ADAMTS17: variants seen among roughly 807,000 people sequenced by gnomAD.
The protein encoded by ADAMTS17 is A disintegrin and metalloproteinase with thrombospondin motifs 17.
In ADAMTS17, 113 loss-of-function variants were observed where a neutral mutation model predicts 141.5. The observed-to-expected ratio is 0.80, with a 90% confidence interval of 0.69 to 0.93. ADAMTS17 has a LOEUF of 0.93. Ranked by LOEUF, ADAMTS17 falls within the 40% of genes least tolerant of loss-of-function variation. The probability of loss-of-function intolerance (pLI) is 0.00; values close to 1 mark genes in which losing one functional copy is unlikely to be tolerated. For missense variants in ADAMTS17, 1,659 were observed against 1,517.9 expected (o/e 1.09, Z -1.54); for synonymous variants, 768 against 630.6 (o/e 1.22, Z -3.27).
At chr15:100,235,655 T>C (rs1016436492) in intron 7 of ADAMTS17, among the ~76,000 whole-genome samples, 2 of 152,196 alleles carry the variant, frequency 1.3e-5, no homozygotes, top group African/African-American at 4.8e-5. Flanking sequence ...TGGTCTGGGA[T>C]CACCCTTTGA....
chr15:100,159,574 C>T lies in ADAMTS17; in HGVS notation c.1182-4254G>A, dbSNP rs749388349. On this transcript the variant is annotated intron_variant, in intron 8 of 21. Coordinates refer to ENST00000268070, the MANE Select transcript of ADAMTS17 (RefSeq NM_139057.4). ...AGTTTTGATGGATTTCAATGAACTC[C>T]GCCAAATGTACAGAGGTTATAGAAA... 2.8e-4 allele frequency among the ~76,000 whole-genome samples: 42 copies of T among 152,254 alleles called. 1 individual carries two copies. The highest frequency in any genetic ancestry group is 1.2e-3 in the Admixed American group (19 of 15,296).
intron 8 of ADAMTS17, among the ~76,000 whole-genome samples, chr15:100,190,298 C>T (rs1005238724): frequency 1.3e-5 from 2 of 152,194 alleles, no homozygotes; most frequent in African/African-American, 2.4e-5. Context: ...CTCTCCCAGA[C>T]CCCCCAGCCC....
intron 18 of ADAMTS17, among the ~76,000 whole-genome samples, chr15:100,017,442 G>C (rs780775409): frequency 6.6e-6 from 1 of 152,056 alleles, no homozygotes; most frequent in Non-Finnish European, 1.5e-5. Flanking sequence ...TCTCCCTGTG[G>C]TGTTCAGCCT....
chr15:99,992,428 G>A (rs974999119), intron 20 of ADAMTS17, among the ~76,000 whole-genome samples: 31 of 152,140 alleles, frequency 2.0e-4, no homozygotes, highest in Non-Finnish European at 2.9e-5. Flanking sequence ...GGTGGCAGTG[G>A]GGCTCACCTT....
At chr15:100,118,989 G>T (rs2037309273) in intron 12 of ADAMTS17, among the ~76,000 whole-genome samples, 1 of 149,334 alleles carries the variant, frequency 6.7e-6, no homozygotes, top group Non-Finnish European at 1.5e-5. Flanking sequence ...ACTAGAGTAG[G>T]TTGAGCCCCT....
At chr15:100,076,970 C>G (rs1323980398) in intron 15 of ADAMTS17, among the ~76,000 whole-genome samples, 1 of 152,024 alleles carries the variant, frequency 6.6e-6, no homozygotes, top group African/African-American at 2.4e-5. Flanking sequence ...TACTCACCTA[C>G]TAATGGACAT....
intron 8 of ADAMTS17, among the ~76,000 whole-genome samples, 176 bp from the exon 9 acceptor site, chr15:100,155,496 G>A (rs1463998998): frequency 6.6e-6 from 1 of 152,214 alleles, no homozygotes; most frequent in Non-Finnish European, 1.5e-5. Flanking sequence ...AATAGAGGGT[G>A]AGGATTTGCT....
intron 1 of ADAMTS17, 65 bp downstream of exon 1, chr15:100,341,756 C>G (rs1160053258): frequency 1.3e-6 from 2 of 1,509,958 alleles, no homozygotes; most frequent in East Asian, 2.7e-5. Context: ...CAGGACGCCG[C>G]GAGAACGCAG....
intron 15 of ADAMTS17, among the ~76,000 whole-genome samples, chr15:100,064,575 C>T (rs367971192): frequency 5.9e-5 from 9 of 152,146 alleles, no homozygotes; most frequent in African/African-American, 1.4e-4. Context: ...TACCCTATGA[C>T]GAAACTACAG....
chr15:100,311,394 G>T (rs2045400685), intron 3 of ADAMTS17, among the ~76,000 whole-genome samples: 1 of 152,218 alleles, frequency 6.6e-6, no homozygotes, highest in Non-Finnish European at 1.5e-5. Flanking sequence ...TCCAGCCTCA[G>T]GGCTGGACCA....
At chr15:100,104,221 C>T (rs769246242) in intron 14 of ADAMTS17, among the ~76,000 whole-genome samples, 7 of 152,132 alleles carry the variant, frequency 4.6e-5, no homozygotes, top group Non-Finnish European at 7.3e-5. Context: ...GGCTTATTAA[C>T]CCGGTGTCTC....
At chr15:100,105,410 G>T (rs929268648) in intron 14 of ADAMTS17, among the ~76,000 whole-genome samples, 2 of 152,208 alleles carry the variant, frequency 1.3e-5, no homozygotes, top group African/African-American at 4.8e-5. Context: ...GACAATGGTG[G>T]AGGCACTGGA....
chr15:100,202,497 G>A (rs1353654892), intron 7 of ADAMTS17, among the ~76,000 whole-genome samples: 1 of 152,204 alleles, frequency 6.6e-6, no homozygotes, highest in Admixed American at 6.5e-5. Context: ...GTGTTTATGA[G>A]AGATGAGGTG....
At chr15:100,048,004 C>CA in intron 18 of ADAMTS17, among the ~76,000 whole-genome samples, 1 of 152,170 alleles carries the variant, frequency 6.6e-6, no homozygotes, top group Admixed American at 6.5e-5. Flanking sequence ...CTTTCTCACT[C>CA]AAACACATTT....
chr15:100,126,131 C>T (rs1308917320), intron 12 of ADAMTS17: 1 of 152,234 alleles, frequency 6.6e-6, no homozygotes, highest in Non-Finnish European at 1.5e-5. Context: ...ATCAGGGCAT[C>T]CTGCAGAAGC....
chr15:100,262,792 A>AC (rs1283044932), intron 4 of ADAMTS17, among the ~76,000 whole-genome samples: 1 of 151,648 alleles, frequency 6.6e-6, no homozygotes, highest in African/African-American at 2.4e-5. Context: ...TAAAAAAAAA[A>AC]AAAAACAAAA....
At chr15:100,140,240 C>T in intron 10 of ADAMTS17, among the ~76,000 whole-genome samples, 1 of 152,124 alleles carries the variant, frequency 6.6e-6, no homozygotes, top group African/African-American at 2.4e-5. Context: ...TGGTGATCCT[C>T]CTGCCTTGGC....
At chr15:100,324,311 A>T (rs1046364643) in intron 3 of ADAMTS17, among the ~76,000 whole-genome samples, 11 of 152,162 alleles carry the variant, frequency 7.2e-5, no homozygotes, top group Admixed American at 4.6e-4. Flanking sequence ...TCTCAAATAA[A>T]TAAATAAATA....
chr15:100,227,686 C>A (rs1567391183), intron 7 of ADAMTS17, among the ~76,000 whole-genome samples: 2 of 152,206 alleles, frequency 1.3e-5, no homozygotes, highest in Admixed American at 1.3e-4. Context: ...GGGTGGAAAA[C>A]CTTTCTCTGA....
Sources: gnomAD v4.1 joint callset for allele counts (sites outside exome capture counted in the v4.1 genomes callset) on GRCh38, gnomAD v4.1.1 for gene constraint, MANE v1.5 for transcripts, NCBI Gene and HGNC (gene_info 2026-07-23, HGNC 2026-07-21) for gene names.